Variants in SH3YL1 observed in about 807,000 individuals in gnomAD.
SH3YL1 encodes the protein SH3 domain-containing YSC84-like protein 1.
In SH3YL1, 41 loss-of-function variants were observed where a neutral mutation model predicts 45.8. The observed-to-expected ratio is 0.89, with a 90% confidence interval of 0.70 to 1.16. The LOEUF (loss-of-function observed/expected upper bound fraction) is 1.16. SH3YL1 is among the 50% of genes most tolerant of loss of function. The pLI, the probability that SH3YL1 is intolerant of heterozygous loss-of-function variation, is 0.00. For missense variants in SH3YL1, 389 were observed against 409.6 expected (o/e 0.95, Z 0.43); for synonymous variants, 152 against 151.4 (o/e 1.00, Z -0.03).
In SH3YL1 at chr2:263,965, T is replaced by A; in HGVS notation, c.1+19A>T. On this transcript the variant is annotated intron_variant, in intron 1 of 9. Transcript: ENST00000356150. ...AGAGGGGAGGGTGCTGCCGGACAGG[T>A]GGGTCCCCGGGTACTCACTGCTGCC... 2 of 1,509,256 alleles carry A rather than the reference T, an allele frequency of 1.3e-6. No individual in the cohort carries two copies. Among genetic ancestry groups the A allele is most frequent in the Non-Finnish European group, 1.8e-6 (2 of 1,124,514 alleles). 93.5% of individuals were successfully genotyped at this position (1,509,256 alleles called of 1,614,324 possible).
intron 1 of SH3YL1, chr2:259,863 T>C (rs928892575): frequency 6.6e-6 from 1 of 151,704 alleles, no homozygotes; most frequent in Non-Finnish European, 1.5e-5. Flanking sequence ...ATTGAAGATT[T>C]AGAGTGTCAA....
At chr2:252,896 T>C in intron 2 of SH3YL1, 109 bp downstream of exon 2, 2 of 656,308 alleles carry the variant, frequency 3.0e-6, no homozygotes, top group Admixed American at 2.9e-5. Context: ...GCTGAACTAC[T>C]TGTTGGCATT....
chr2:264,692 C>T, upstream of SH3YL1: 1 of 407,604 alleles, frequency 2.5e-6, no homozygotes, highest in Non-Finnish European at 4.4e-6. Flanking sequence ...GCTCCTCCTC[C>T]TCCGGACAAC....
intron 9 of SH3YL1, among the ~76,000 whole-genome samples, chr2:223,224 C>T (rs1391469996): frequency 6.6e-6 from 1 of 152,170 alleles, no homozygotes; most frequent in Non-Finnish European, 1.5e-5. Flanking sequence ...ATCTCTGTCT[C>T]CACAGCCCAC....
intron 4 of SH3YL1, among the ~76,000 whole-genome samples, chr2:246,967 G>A (rs1248818314): frequency 6.6e-6 from 1 of 152,190 alleles, no homozygotes; most frequent in Non-Finnish European, 1.5e-5. Context: ...CCAGGCCCTT[G>A]CAAAACGACA....
At chr2:252,499 AG>A (rs1242784701) in intron 2 of SH3YL1, among the ~76,000 whole-genome samples, 2 of 152,134 alleles carry the variant, frequency 1.3e-5, no homozygotes, top group African/African-American at 2.4e-5. Flanking sequence ...GGGAGGGAAG[AG>A]GCCCTGCTGG....
chr2:229,690 C>T (rs1667944286), intron 8 of SH3YL1, among the ~76,000 whole-genome samples: 2 of 133,572 alleles, frequency 1.5e-5, no homozygotes, highest in African/African-American at 5.6e-5. Context: ...GATCCCGCCA[C>T]TGCACTCCAG....
chr2:226,160 A>G (rs1215282940), intron 8 of SH3YL1, among the ~76,000 whole-genome samples: 1 of 152,198 alleles, frequency 6.6e-6, no homozygotes, highest in Non-Finnish European at 1.5e-5. Context: ...GACCTTAATC[A>G]TGACCAAAGT....
intron 2 of SH3YL1, 81 bp downstream of exon 2, chr2:252,924 G>C (rs1315620024): frequency 1.2e-6 from 1 of 815,144 alleles, no homozygotes; most frequent in African/African-American, 1.7e-5. Context: ...GCTTCTGCCT[G>C]AAATGGAGTG....
intron 8 of SH3YL1, among the ~76,000 whole-genome samples, chr2:228,074 G>T (rs1310567868): frequency 6.6e-6 from 1 of 152,202 alleles, no homozygotes; most frequent in Non-Finnish European, 1.5e-5. Context: ...CATGAGAAAT[G>T]ATGGTATCGC....
intron 4 of SH3YL1, among the ~76,000 whole-genome samples, chr2:245,464 G>A (rs1668756523): frequency 6.6e-6 from 1 of 152,148 alleles, no homozygotes. Context: ...ATTATATTTT[G>A]TGTCATTTCA....
At chr2:259,412 C>G (rs1214182657) in intron 1 of SH3YL1, 1 of 152,036 alleles carries the variant, frequency 6.6e-6, no homozygotes, top group African/African-American at 2.4e-5. Context: ...AAAACATTGA[C>G]TCTCTGTTAC....
intron 9 of SH3YL1, among the ~76,000 whole-genome samples, chr2:220,902 C>T (rs1161695258): frequency 2.0e-5 from 3 of 152,212 alleles, no homozygotes; most frequent in Admixed American, 1.3e-4. Context: ...CTGGGAGCCA[C>T]AGCCATCTTA....
chr2:241,051 A>G (rs1668522026), intron 4 of SH3YL1: 1 of 152,226 alleles, frequency 6.6e-6, no homozygotes, highest in Non-Finnish European at 1.5e-5. Flanking sequence ...GAAGCAGACG[A>G]GAATGACTGC....
chr2:242,659 T>C (rs1668592008), intron 4 of SH3YL1: 2 of 1,150,312 alleles, frequency 1.7e-6, no homozygotes, highest in African/African-American at 3.2e-5. Context: ...ATGATATCAA[T>C]AATCTATTAA....
chr2:239,903 T>C (rs1176439835), intron 4 of SH3YL1: 1 of 152,232 alleles, frequency 6.6e-6, no homozygotes, highest in Non-Finnish European at 1.5e-5. Context: ...TGGTGACATT[T>C]GAGCTATAAC....
intron 6 of SH3YL1, among the ~76,000 whole-genome samples, chr2:232,577 T>C (rs1293568473): frequency 1.3e-5 from 2 of 152,078 alleles, no homozygotes; most frequent in East Asian, 3.9e-4. Context: ...TTTCTCCTAA[T>C]ATTATCCTTC....
chr2:247,699 T>C (rs150398427), intron 3 of SH3YL1, 97 bp from the exon 4 acceptor site: 10 of 858,082 alleles, frequency 1.2e-5, no homozygotes, highest in African/African-American at 1.0e-4. Context: ...AGTGCTTCTA[T>C]TGAAAATAAT....
At chr2:249,671 T>C in intron 3 of SH3YL1, 60 bp downstream of exon 3, 4 of 1,281,490 alleles carry the variant, frequency 3.1e-6, no homozygotes, top group Non-Finnish European at 4.4e-6. Context: ...TGTGTTCACA[T>C]GAAAACAGAC....
Sources: allele counts gnomAD v4.1 joint callset (sites outside exome capture counted in the v4.1 genomes callset), GRCh38; gene constraint gnomAD v4.1.1; transcripts MANE v1.5; gene names NCBI Gene and HGNC (gene_info 2026-07-23, HGNC 2026-07-21).